PIK3CD: variants seen among roughly 807,000 people sequenced by gnomAD.
PIK3CD encodes the protein phosphatidylinositol-4,5-bisphosphate 3-kinase catalytic subunit delta.
PIK3CD carries 20 observed loss-of-function variants against 122.9 expected under a neutral mutation model. The ratio of observed to expected loss-of-function variants is 0.16; its 90% confidence interval spans 0.11 to 0.24. PIK3CD has a LOEUF of 0.24. Ranked by LOEUF, PIK3CD falls within the 10% of genes least tolerant of loss-of-function variation. PIK3CD has a pLI of 1.00. For missense variants in PIK3CD, 787 were observed against 1,406.3 expected (o/e 0.56, Z 7.04); for synonymous variants, 596 against 593.4 (o/e 1.00, Z -0.06).
chr1:9,649,406 A>T (rs1557582827), upstream of PIK3CD, among the ~76,000 whole-genome samples: 1 of 151,176 alleles, frequency 6.6e-6, no homozygotes, highest in African/African-American at 2.4e-5. Context: ...AATTTTTTCT[A>T]TTTTTTTGTA....
chr1:9,649,313 CT>C (rs1226707761), upstream of PIK3CD, among the ~76,000 whole-genome samples: 1 of 151,916 alleles, frequency 6.6e-6, no homozygotes. Context: ...TCACTGCAGT[CT>C]CAACCTCCAG....
chr1:9,632,385 T>C, the PIK3CD span, among the ~76,000 whole-genome samples: 1 of 151,672 alleles, frequency 6.6e-6, no homozygotes, highest in Non-Finnish European at 1.5e-5. Flanking sequence ...TATTCACAGG[T>C]GCAAGGATAA....
chr1:9,724,287 T>C lies in PIK3CD; in HGVS notation c.2730T>C (p.Ile910=). The change falls in exon 22 of 24, where the codon ATT becomes ATC. Residue 910 remains isoleucine (I), a synonymous_variant. Coordinates refer to ENST00000377346, the MANE Select transcript of PIK3CD (RefSeq NM_005026.5). This position sits in a 1 kb window ranked among gnomAD's most constrained non-coding sequence, Gnocchi z 7.3. ...MIRESGQLFH[I]DFGHFLGNFK... is the part of the protein sequence containing the mutation. ...TCCCCTCCCCTCAGCTGTTCCACAT[T>C]GATTTTGGCCACTTTCTGGGGAATT... 6.2e-7 allele frequency: 1 copy of C among 1,614,180 alleles called. No individual in the cohort carries two copies. Among genetic ancestry groups the C allele is most frequent in the East Asian group, 2.2e-5 (1 of 44,876 alleles).
rs1172618838 is a variant in PIK3CD, at chr1:9,720,043, G to A, written c.1339+26G>A. On this transcript the variant is annotated intron_variant, in intron 10 of 23. Coordinates refer to ENST00000377346, the MANE Select transcript of PIK3CD (RefSeq NM_005026.5). This position sits in a 1 kb window ranked among gnomAD's most constrained non-coding sequence, Gnocchi z 9.0. ...GTCGGCCCAGGCCCAGGAGGGAGAG[G>A]CGTTGGGAGTGTGAGGGTCCCAGAG... 1.1e-5 allele frequency: 18 copies of A among 1,613,312 alleles called. No homozygotes were observed. Among genetic ancestry groups the A allele is most frequent in the East Asian group, 2.2e-5 (1 of 44,890 alleles).
chr1:9,699,983 A>G (rs143989640), intron 2 of PIK3CD, among the ~76,000 whole-genome samples: 286 of 152,292 alleles, frequency 1.9e-3, no homozygotes, highest in African/African-American at 6.6e-3. Context: ...CAACTTCAGA[A>G]TGATCTCACC....
upstream of PIK3CD, among the ~76,000 whole-genome samples, chr1:9,648,896 T>A (rs1644631272): frequency 6.6e-6 from 1 of 152,082 alleles, no homozygotes; most frequent in African/African-American, 2.4e-5. Context: ...GAGGCCTGAG[T>A]GTGAGACCAG....
At chr1:9,677,490 CA>C (rs1226506764) in intron 1 of PIK3CD, among the ~76,000 whole-genome samples, 1 of 151,542 alleles carries the variant, frequency 6.6e-6, no homozygotes, top group African/African-American at 2.4e-5. Context: ...TACTAAAATA[CA>C]AAAATTAGCC....
At chr1:9,633,710 T>G in the PIK3CD span, among the ~76,000 whole-genome samples, 3 of 152,234 alleles carry the variant, frequency 2.0e-5, no homozygotes, top group Non-Finnish European at 2.9e-5. Flanking sequence ...GAGGGCTAAT[T>G]TCTTCTTTCA....
rs1353235114 is a variant in PIK3CD at position 9,689,194 on chromosome 1, C to T, written c.-137-2273C>T. Among the ~76,000 whole-genome samples, 1 of 152,186 alleles carries T rather than the reference C, an allele frequency of 6.6e-6. No homozygotes were observed. Among genetic ancestry groups the T allele is most frequent in the Non-Finnish European group, 1.5e-5 (1 of 68,022 alleles). On this transcript the variant is annotated intron_variant, in intron 1 of 23. Coordinates refer to ENST00000377346, the MANE Select transcript of PIK3CD (RefSeq NM_005026.5). This position sits in a 1 kb window ranked among gnomAD's most constrained non-coding sequence, Gnocchi z 6.1. ...GCCCTCCCTTGCTTTGCAGGTGGCG[C>T]TTTCTATTTATTGATTGTAAGGTGA...
Position 9,719,835 on chromosome 1 carries a change from C to G in PIK3CD, c.1243-86C>G. ...AGATGTTAGCTGGGCTCTGGGTCTT[C>G]TCGGGTGGGGTGCCTGGGGGAGGGC... On this transcript the variant is annotated intron_variant, in intron 9 of 23. Coordinates refer to ENST00000377346, the MANE Select transcript of PIK3CD (RefSeq NM_005026.5). This position sits in a 1 kb window ranked among gnomAD's most constrained non-coding sequence, Gnocchi z 5.5. 9.2e-7 allele frequency: 1 copy of G among 1,084,778 alleles called. No individual in the cohort carries two copies. The highest frequency in any genetic ancestry group is 1.2e-5 in the South Asian group (1 of 80,230). 67.2% of individuals were successfully genotyped at this position (1,084,778 alleles called of 1,614,324 possible).
Position 9,652,550 on chromosome 1 carries a change from C to T in PIK3CD, c.-138+748C>T, listed in dbSNP as rs557976346. 1.3e-5 allele frequency: 2 copies of T among 152,354 alleles called. No individual in the cohort carries two copies. Among genetic ancestry groups the T allele is most frequent in the African/African-American group, 4.8e-5 (2 of 41,586 alleles). 9.4% of individuals were successfully genotyped at this position (152,354 alleles called of 1,614,324 possible). On this transcript the variant is annotated intron_variant, in intron 1 of 23. Coordinates refer to ENST00000377346, the MANE Select transcript of PIK3CD (RefSeq NM_005026.5). This position sits in a 1 kb window ranked among gnomAD's most constrained non-coding sequence, Gnocchi z 6.2. ...GCCGGGGTTACGCCGGCAAAACCGCCCCCAGCTTTGCATTTCCGGACTTTT... is the reference window on the plus strand; with the variant it reads ...GCCGGGGTTACGCCGGCAAAACCGCTCCCAGCTTTGCATTTCCGGACTTTT...
upstream of PIK3CD, among the ~76,000 whole-genome samples, chr1:9,648,515 C>T (rs909280370): frequency 2.6e-5 from 4 of 152,306 alleles, no homozygotes; most frequent in East Asian, 3.9e-4. Flanking sequence ...TAGGACGGGC[C>T]GCTCCCTCAG....
At chr1:9,650,285 G>A (rs550407528), upstream of PIK3CD, among the ~76,000 whole-genome samples, 3 of 152,198 alleles carry the variant, frequency 2.0e-5, no homozygotes, top group South Asian at 4.2e-4. Context: ...AGCCAGGCAC[G>A]GTGGTGTGCA....
At chr1:9,681,966 C>A (rs1385342148) in intron 1 of PIK3CD, among the ~76,000 whole-genome samples, 1 of 152,182 alleles carries the variant, frequency 6.6e-6, no homozygotes, top group Non-Finnish European at 1.5e-5. Context: ...TAGCTTTGGA[C>A]CAGCTATGAG....
At position 9,718,755 on chromosome 1, in the gene PIK3CD, C is replaced by T. The variant is rs1179481484; in HGVS notation, c.1082C>T (p.Ser361Leu). Residue 361 changes from serine to leucine, a missense_variant, in exon 9 of 24, where the codon TCG (serine) becomes TTG (leucine). By Grantham distance (145) the Ser-to-Leu change is moderately radical (BLOSUM62 -2). Coordinates refer to ENST00000377346, the MANE Select transcript of PIK3CD (RefSeq NM_005026.5). This position sits in a 1 kb window ranked among gnomAD's most constrained non-coding sequence, Gnocchi z 7.2. ...ATGCTGTGCAAGACGGTGTCCAGCTCGGAGGTGAGCGTGTGCTCGGAGCCC... is the reference window on the plus strand; with the variant it reads ...ATGCTGTGCAAGACGGTGTCCAGCTTGGAGGTGAGCGTGTGCTCGGAGCCC... ...NEMLCKTVSS[S>L]EVSVCSEPVW... The T allele has an allele frequency of 1.9e-6, 3 of 1,609,988 alleles. No individual in the cohort carries two copies. Among genetic ancestry groups the T allele is most frequent in the African/African-American group, 1.3e-5 (1 of 74,916 alleles).
At chr1:9,716,881 G>A in intron 6 of PIK3CD, 78 bp from the exon 7 acceptor site, 5 of 1,594,454 alleles carry the variant, frequency 3.1e-6, no homozygotes, top group Non-Finnish European at 4.3e-6. Context: ...TGGGCAGCTT[G>A]GGGGGTCCTG....
At chr1:9,670,150 CAA>C (rs375500599) in intron 1 of PIK3CD, among the ~76,000 whole-genome samples, 15 of 60,290 alleles carry the variant, frequency 2.5e-4, no homozygotes, top group Admixed American at 5.0e-4. Flanking sequence ...AATTCCACCT[CAA>C]AAAAAAAAAA....
Position 9,700,278 on chromosome 1 carries a change from A to G in PIK3CD, c.-33+8707A>G, listed in dbSNP as rs1646577991. ...CCCAATAGCTGAGGTCAGATCCCTC[A>G]GACGTTCACAGCTGGGACGCCGTTC... is the stretch of plus-strand genomic sequence containing the variant. On this transcript the variant is annotated intron_variant, in intron 2 of 23. Transcript: ENST00000377346. The surrounding 1 kb of genome is among the most constrained non-coding windows in gnomAD (Gnocchi z 5.1). Among the ~76,000 whole-genome samples, 1 of 152,090 alleles carries G rather than the reference A, an allele frequency of 6.6e-6. No homozygotes were observed. The highest frequency in any genetic ancestry group is 2.4e-5 in the African/African-American group (1 of 41,422).
In PIK3CD at chr1:9,720,116, G is replaced by C. The variant is rs1301530593; in HGVS notation, c.1344G>C (p.Glu448Asp). ...CLYMWPSVPD[E>D]KGELLNPTGT... is the part of the protein sequence containing the mutation. Reference sequence around the variant, plus strand: ...TTCATCTGCCCCTGTGTTCAGATGAGAAGGGCGAGCTGCTGAACCCCACGG... The same window carrying C: ...TTCATCTGCCCCTGTGTTCAGATGACAAGGGCGAGCTGCTGAACCCCACGG... The change falls in exon 11 of 24, where the codon GAG becomes GAC. Residue 448 changes from glutamate (E) to aspartate (D), a missense_variant. Physicochemically the swap from Glu to Asp is conservative, Grantham distance 45. This residue lies in a region of PIK3CD where 592 missense variants were observed against 920.6 expected (regional missense o/e 0.64). Transcript: ENST00000377346. The surrounding 1 kb of genome is among the most constrained non-coding windows in gnomAD (Gnocchi z 9.0). 4.3e-6 allele frequency: 7 copies of C among 1,613,332 alleles called. No homozygotes were observed. Among genetic ancestry groups the C allele is most frequent in the Admixed American group, 1.7e-5 (1 of 60,028 alleles).
Sources: allele counts gnomAD v4.1 joint callset (sites outside exome capture counted in the v4.1 genomes callset), GRCh38; gene constraint gnomAD v4.1.1; regional missense constraint gnomAD v4.1.1; non-coding constraint Gnocchi (gnomAD v3.1); transcripts MANE v1.5; gene names NCBI Gene and HGNC (gene_info 2026-07-23, HGNC 2026-07-21).